The following PHF14 variants were observed in gnomAD, a reference collection of about 807,000 sequenced individuals.
PHF14 encodes PHD finger protein 14.
PHF14 carries 55 observed loss-of-function variants against 117.9 expected under a neutral mutation model. That is an observed-to-expected ratio of 0.47 (90% CI 0.38 to 0.58). PHF14 has a LOEUF of 0.58. PHF14 is among the 20% of genes least tolerant of loss of function. The pLI is 0.00. For missense variants in PHF14, 978 were observed against 1,122.2 expected, an observed-to-expected ratio of 0.87 and a Z score of 1.84; for synonymous variants, 409 against 368.6, an observed-to-expected ratio of 1.11 and a Z score of -1.26.
chr7:11,166,175 C>A (rs1004677116), intron 17 of PHF14, among the ~76,000 whole-genome samples: 1 of 151,910 alleles, frequency 6.6e-6, no homozygotes, highest in African/African-American at 2.4e-5. Context: ...GTCTACTTTC[C>A]AGTAGCCTCA....
chr7:11,028,974 A>G (rs998912866), intron 7 of PHF14, among the ~76,000 whole-genome samples, 156 bp downstream of exon 7: 1 of 152,192 alleles, frequency 6.6e-6, no homozygotes, highest in South Asian at 2.1e-4. Context: ...GTAAATGCCT[A>G]TGAGTTTTGT....
intron 16 of PHF14, among the ~76,000 whole-genome samples, chr7:11,094,381 G>T (rs2128339569): frequency 6.6e-6 from 1 of 152,234 alleles, no homozygotes; most frequent in African/African-American, 2.4e-5. Context: ...CACTAGAGTT[G>T]TTCTGCACTC....
chr7:11,076,467 T>C (rs539797073), intron 16 of PHF14, among the ~76,000 whole-genome samples: 12 of 152,216 alleles, frequency 7.9e-5, no homozygotes, highest in Admixed American at 7.8e-4. Context: ...ACTTTAGATG[T>C]CATTGGATTT....
At chr7:11,016,785 G>A (rs1202998221) in intron 5 of PHF14, among the ~76,000 whole-genome samples, 4 of 152,046 alleles carry the variant, frequency 2.6e-5, no homozygotes, top group Admixed American at 6.6e-5. Flanking sequence ...GTACAATTTA[G>A]TTTTTCTTGA....
intron 5 of PHF14, among the ~76,000 whole-genome samples, chr7:11,016,260 G>A (rs1280875363): frequency 6.6e-6 from 1 of 152,154 alleles, no homozygotes; most frequent in Non-Finnish European, 1.5e-5. Context: ...TTCCAAGGAC[G>A]TAATACTAGT....
At chr7:10,985,889 G>A (rs977412912) in intron 3 of PHF14, among the ~76,000 whole-genome samples, 1 of 151,986 alleles carries the variant, frequency 6.6e-6, no homozygotes, top group African/African-American at 2.4e-5. Context: ...CTGACCTCAA[G>A]TGATCCACCT....
At chr7:11,132,023 T>TA (rs1182801602) in intron 17 of PHF14, among the ~76,000 whole-genome samples, 2 of 151,854 alleles carry the variant, frequency 1.3e-5, no homozygotes, top group Non-Finnish European at 2.9e-5. Flanking sequence ...GGGATACAGA[T>TA]ATATGGTAAA....
intron 16 of PHF14, chr7:11,110,911 A>G (rs1182956914): frequency 6.6e-6 from 1 of 152,588 alleles, no homozygotes; most frequent in African/African-American, 2.4e-5. Context: ...GAGTTTTAAA[A>G]TTTTTTAAAT....
chr7:11,147,545 C>T (rs1378813084), intron 17 of PHF14, among the ~76,000 whole-genome samples: 3 of 152,272 alleles, frequency 2.0e-5, no homozygotes, highest in Non-Finnish European at 2.9e-5. Flanking sequence ...ATAGTTATGC[C>T]GCTGTCTGAA....
intron 17 of PHF14, among the ~76,000 whole-genome samples, chr7:11,136,262 C>G (rs971529218): frequency 6.6e-6 from 1 of 152,046 alleles, no homozygotes; most frequent in Non-Finnish European, 1.5e-5. Context: ...TAGTTCTGGT[C>G]TGTCAGAATT....
chr7:11,138,110 G>T (rs1415287769), intron 17 of PHF14, among the ~76,000 whole-genome samples: 2 of 149,830 alleles, frequency 1.3e-5, no homozygotes, highest in African/African-American at 4.9e-5. Context: ...GCACGATCTT[G>T]GCTCACTGCA....
intron 17 of PHF14, among the ~76,000 whole-genome samples, chr7:11,161,382 A>T (rs1230552033): frequency 2.0e-5 from 3 of 152,138 alleles, no homozygotes; most frequent in Non-Finnish European, 4.4e-5. Flanking sequence ...GCCAATCCTA[A>T]ACAATTCATG....
chr7:11,128,607 A>T (rs1210739942), intron 17 of PHF14, among the ~76,000 whole-genome samples: 13 of 151,908 alleles, frequency 8.6e-5, no homozygotes, highest in Admixed American at 8.5e-4. Flanking sequence ...ATACTATAGT[A>T]TAGACATCAG....
intron 4 of PHF14, among the ~76,000 whole-genome samples, chr7:11,000,077 T>C (rs1371327757): frequency 1.3e-5 from 2 of 152,188 alleles, no homozygotes; most frequent in African/African-American, 4.8e-5. Flanking sequence ...AATCTTTATT[T>C]TGTATAATTA....
chr7:11,024,106 G>A (rs1272205652), intron 6 of PHF14, among the ~76,000 whole-genome samples: 1 of 152,148 alleles, frequency 6.6e-6, no homozygotes, highest in Non-Finnish European at 1.5e-5. Context: ...CCTTATTGCT[G>A]ATAATGGAGA....
At chr7:11,157,577 A>C (rs1334288607) in intron 17 of PHF14, among the ~76,000 whole-genome samples, 1 of 152,174 alleles carries the variant, frequency 6.6e-6, no homozygotes, top group Non-Finnish European at 1.5e-5. Context: ...TGTCAGTATT[A>C]ATAAGGACAT....
At chr7:11,148,872 A>G (rs184370370) in intron 17 of PHF14, among the ~76,000 whole-genome samples, 1 of 152,364 alleles carries the variant, frequency 6.6e-6, no homozygotes, top group African/African-American at 2.4e-5. Context: ...TTGGAAATAT[A>G]TTTTAAACTT....
intron 16 of PHF14, chr7:11,106,468 A>C (rs1056595086): frequency 1.1e-6 from 1 of 948,736 alleles, no homozygotes; most frequent in Non-Finnish European, 1.3e-6. Flanking sequence ...AATTGTTGTA[A>C]ATTACAAGGA....
At chr7:11,063,224 A>C in intron 16 of PHF14, 1 of 984,294 alleles carries the variant, frequency 1.0e-6, no homozygotes, top group South Asian at 4.7e-5. Flanking sequence ...AATTTTTTTG[A>C]GGTAGTTCAT....
Sources: allele counts gnomAD v4.1 joint callset (sites outside exome capture counted in the v4.1 genomes callset), GRCh38; gene constraint gnomAD v4.1.1; transcripts MANE v1.5; gene names NCBI Gene and HGNC (gene_info 2026-07-23, HGNC 2026-07-21).